Variants in PXMP2 observed in about 807,000 individuals in gnomAD.
PXMP2 encodes the protein 22 kDa peroxisomal membrane protein.
A neutral mutation model predicts 20.2 loss-of-function variants in PXMP2; 13 were observed. The observed-to-expected ratio is 0.64, with a 90% CI of 0.42 to 1.02. The LOEUF (loss-of-function observed/expected upper bound fraction) is 1.02, where lower values mean the gene tolerates loss of function less well. Among genes scored for constraint, PXMP2 ranks in the 50% least tolerant of loss-of-function variants. The probability of loss-of-function intolerance (pLI) is 0.00; values close to 1 mark genes in which losing one functional copy is unlikely to be tolerated. For synonymous variants in PXMP2, 113 were observed against 111.2 expected (o/e 1.02, Z -0.10); for missense variants, 284 against 251.8 (o/e 1.13, Z -0.87).
At chr12:132,693,782 C>A (rs1437051245) in intron 2 of PXMP2, among the ~76,000 whole-genome samples, 1 of 102,186 alleles carries the variant, frequency 9.8e-6, no homozygotes, top group Non-Finnish European at 2.1e-5. Flanking sequence ...AGCGCCCTTG[C>A]CAGTTAGTTA....
At chr12:132,692,712 A>T (rs61952127) in intron 2 of PXMP2, among the ~76,000 whole-genome samples, 40 of 49,786 alleles carry the variant, frequency 8.0e-4, no homozygotes, top group South Asian at 1.4e-3. Context: ...GTTAGTGAGC[A>T]CCCTTGCCAG....
chr12:132,687,915 A>C (rs1269317841), intron 1 of PXMP2, 123 bp downstream of exon 1: 1 of 960,828 alleles, frequency 1.0e-6, no homozygotes, highest in Non-Finnish European at 1.3e-6. Flanking sequence ...GAACCCCCGG[A>C]GCGGGCGCCC....
intron 2 of PXMP2, 107 bp from the exon 3 acceptor site, chr12:132,695,777 G>C: frequency 8.3e-7 from 1 of 1,210,030 alleles, no homozygotes. Flanking sequence ...AATACTGAGG[G>C]ACATCAGGAA....
chr12:132,702,603 C>T (rs1030789302), intron 4 of PXMP2: 7 of 218,080 alleles, frequency 3.2e-5, no homozygotes, highest in Non-Finnish European at 4.9e-5. Context: ...GTACTCTGGG[C>T]GGGCATCTCT....
rs2043440293 is a variant in PXMP2 at position 132,701,369 on chromosome 12, G to A, written c.519G>A (p.Lys173=). The change falls in exon 4 of 5, where the codon AAG becomes AAA. Residue 173 remains lysine, a splice_region_variant and synonymous_variant. Transcript: ENST00000317479. ...QFININYVPL[K]FRVLFANLAA... ...TCAACATCAACTACGTCCCTCTGAA[G>A]GTGAGGGCCACGGGGCTCAGCCTCT... 1.2e-6 allele frequency: 2 copies of A among 1,612,166 alleles called. No individual in the cohort carries two copies. Among genetic ancestry groups the A allele is most frequent in the Non-Finnish European group, 1.7e-6 (2 of 1,179,624 alleles).
intron 1 of PXMP2, 191 bp downstream of exon 1, chr12:132,687,983 A>G (rs950381184): frequency 1.1e-5 from 5 of 466,680 alleles, no homozygotes; most frequent in Non-Finnish European, 1.5e-5. Context: ...AGCGATTGTG[A>G]GGCGCCTTGC....
intron 1 of PXMP2, among the ~76,000 whole-genome samples, chr12:132,689,156 G>A (rs543678598): frequency 0.025 from 2,978 of 117,402 alleles, 150 homozygotes; most frequent in Admixed American, 0.075. Flanking sequence ...GACAGGGCGA[G>A]GGGAGCGGGT....
intron 2 of PXMP2, among the ~76,000 whole-genome samples, chr12:132,694,075 A>G (rs2043391740): frequency 8.1e-6 from 1 of 123,352 alleles, no homozygotes. Flanking sequence ...TTAGCCAGTT[A>G]GATAGTGAGC....
intron 3 of PXMP2, among the ~76,000 whole-genome samples, chr12:132,700,747 C>T (rs559724974): frequency 5.3e-5 from 8 of 151,912 alleles, no homozygotes; most frequent in African/African-American, 1.2e-4. Context: ...TTTGTCTTGG[C>T]GGACGTCCAG....
At chr12:132,703,892 A>C (rs2043455926) in intron 4 of PXMP2, among the ~76,000 whole-genome samples, 1 of 151,794 alleles carries the variant, frequency 6.6e-6, no homozygotes, top group Non-Finnish European at 1.5e-5. Flanking sequence ...GACAACTGAG[A>C]AGACAGACTG....
intron 2 of PXMP2, 104 bp from the exon 3 acceptor site, chr12:132,695,780 A>G (rs2043406471): frequency 8.0e-7 from 1 of 1,252,600 alleles, no homozygotes; most frequent in Admixed American, 2.4e-5. Flanking sequence ...ACTGAGGGAC[A>G]TCAGGAAGCA....
intron 1 of PXMP2, chr12:132,688,299 G>A (rs2043331850): frequency 4.5e-6 from 1 of 222,298 alleles, no homozygotes; most frequent in African/African-American, 2.5e-5. Context: ...ACAGGGCCAG[G>A]GGAGCGGGTC....
chr12:132,700,701 TG>T (rs2043434261), intron 3 of PXMP2, among the ~76,000 whole-genome samples: 1 of 152,208 alleles, frequency 6.6e-6, no homozygotes, highest in South Asian at 2.1e-4. Flanking sequence ...TTTTTGGTTT[TG>T]CTGTATTTGC....
chr12:132,700,848 CTT>C (rs544795992), intron 3 of PXMP2, among the ~76,000 whole-genome samples: 4 of 140,068 alleles, frequency 2.9e-5, no homozygotes, highest in African/African-American at 1.1e-4. Context: ...TACTGGAGTC[CTT>C]TTTTTTTTTT....
At position 132,704,710 on chromosome 12, in the gene PXMP2, T is replaced by C. The variant is rs769205344; in HGVS notation, c.*23T>C. The C allele has an allele frequency of 1.9e-6, 3 of 1,590,198 alleles. No homozygotes were observed. ...TGACGACCGCTGGGAGAACATCAGG[T>C]GCACTGTGGACGTGGGTCTGGGGGT... On this transcript the variant is annotated 3_prime_UTR_variant, in exon 5 of 5. Transcript: ENST00000317479.
At position 132,696,395 on chromosome 12, in the gene PXMP2, C is replaced by T. The variant is rs956754588; in HGVS notation, c.399+349C>T. Among the ~76,000 whole-genome samples, 2 of 152,130 alleles carry T rather than the reference C, an allele frequency of 1.3e-5. No homozygotes were observed. The highest frequency in any genetic ancestry group is 2.9e-5 in the Non-Finnish European group (2 of 68,028). On this transcript the variant is annotated intron_variant, in intron 3 of 4. Coordinates refer to ENST00000317479, the MANE Select transcript of PXMP2 (RefSeq NM_018663.3). The surrounding 1 kb of genome is among the most constrained non-coding windows in gnomAD (Gnocchi z 4.4). ...GGGACCACATGTGCGTGCCACCACA[C>T]CCAGCTAATCAGATATTTTTATATC...
chr12:132,690,257 C>G lies in PXMP2; in HGVS notation c.123-6C>G. The G allele has an allele frequency of 6.2e-7, 1 of 1,611,826 alleles. No homozygotes were observed. The highest frequency in any genetic ancestry group is 8.5e-7 in the Non-Finnish European group (1 of 1,177,938). On this transcript the variant is annotated splice_polypyrimidine_tract_variant and splice_region_variant and intron_variant, in intron 1 of 4. Coordinates refer to ENST00000317479, the MANE Select transcript of PXMP2 (RefSeq NM_018663.3). ...TGCTGTTTTCTGATGACCTCCCTCT[C>G]CACAGTGGCATTTTGTCAGCACTTG...
intron 3 of PXMP2, among the ~76,000 whole-genome samples, chr12:132,700,360 A>G (rs2043432375): frequency 6.6e-6 from 1 of 152,086 alleles, no homozygotes; most frequent in African/African-American, 2.4e-5. Context: ...TGACTTTTTA[A>G]TAATAGCCAT....
chr12:132,692,485 G>A (rs1425184789), intron 2 of PXMP2, among the ~76,000 whole-genome samples: 1 of 109,698 alleles, frequency 9.1e-6, no homozygotes, highest in African/African-American at 3.2e-5. Flanking sequence ...CAGTTAATTA[G>A]TGAGCTCCCT....
Sources: allele counts gnomAD v4.1 joint callset (sites outside exome capture counted in the v4.1 genomes callset), GRCh38; gene constraint gnomAD v4.1.1; non-coding constraint Gnocchi (gnomAD v3.1); transcripts MANE v1.5; gene names NCBI Gene and HGNC (gene_info 2026-07-23, HGNC 2026-07-21).